Variants in DLG2 observed in about 807,000 individuals in gnomAD.
DLG2 encodes discs large MAGUK scaffold protein 2.
In DLG2, 45 loss-of-function variants were observed where a neutral mutation model predicts 132.5. The ratio of observed to expected loss-of-function variants is 0.34; its 90% CI spans 0.27 to 0.44. DLG2 has a LOEUF of 0.44. Among genes scored for constraint, DLG2 ranks in the 20% least tolerant of loss-of-function variants. DLG2 has a pLI of 1.00. For missense variants in DLG2, 1,045 were observed against 1,196.9 expected, an observed-to-expected ratio of 0.87 and a Z score of 1.87; for synonymous variants, 424 against 419.6, an observed-to-expected ratio of 1.01 and a Z score of -0.13.
At chr11:84,329,271 G>T (rs1263064740) in intron 7 of DLG2, among the ~76,000 whole-genome samples, 1 of 152,098 alleles carries the variant, frequency 6.6e-6, no homozygotes, top group Non-Finnish European at 1.5e-5. Flanking sequence ...TGGAAAATGT[G>T]GGACTTTGGT....
chr11:84,164,355 C>T (rs1045436506), intron 8 of DLG2, among the ~76,000 whole-genome samples: 6 of 152,128 alleles, frequency 3.9e-5, no homozygotes, highest in African/African-American at 9.7e-5. Context: ...ATTCTCAAAT[C>T]GGTTGTTTCT....
intron 15 of DLG2, among the ~76,000 whole-genome samples, chr11:83,884,448 G>A (rs576185903): frequency 6.6e-6 from 1 of 152,186 alleles, no homozygotes; most frequent in Non-Finnish European, 1.5e-5. Flanking sequence ...TGGGAAACTG[G>A]AACTGGGTAG....
chr11:83,897,784 A>G (rs181494577), intron 15 of DLG2, among the ~76,000 whole-genome samples: 47 of 152,300 alleles, frequency 3.1e-4, no homozygotes, highest in African/African-American at 1.1e-3. Flanking sequence ...TCATGGTGGG[A>G]ACTGATAGAA....
chr11:85,547,957 T>A lies in DLG2; in HGVS notation c.40+50700A>T, dbSNP rs1403414747. ...TGCTCCTTTAACTCAGAGGAGTTTT[T>A]ATTACCCACCTTCTGAAGCCTACTT... On this transcript the variant is annotated intron_variant, in intron 3 of 27. Transcript: ENST00000376104. Among the ~76,000 whole-genome samples, 4 of 152,108 alleles carry A rather than the reference T, an allele frequency of 2.6e-5. No homozygotes were observed. The East Asian group carries it at 7.7e-4, about 29-fold the overall frequency.
intron 7 of DLG2, among the ~76,000 whole-genome samples, chr11:84,370,772 T>C (rs1359299451): frequency 1.3e-5 from 2 of 152,150 alleles, no homozygotes; most frequent in Non-Finnish European, 2.9e-5. Context: ...CAAGAAATTA[T>C]TGGTGAACTG....
At chr11:83,806,792 G>A (rs1222124379) in intron 17 of DLG2, among the ~76,000 whole-genome samples, 2 of 152,104 alleles carry the variant, frequency 1.3e-5, no homozygotes, top group Non-Finnish European at 2.9e-5. Flanking sequence ...CTCTAAAGAG[G>A]AATTATTAAT....
intron 7 of DLG2, among the ~76,000 whole-genome samples, chr11:84,353,822 A>C (rs2098595953): frequency 6.6e-6 from 1 of 152,060 alleles, no homozygotes; most frequent in Admixed American, 6.6e-5. Context: ...ATTTTCCCAC[A>C]ACTTCATCAT....
chr11:84,718,242 A>T (rs572538356), intron 6 of DLG2, among the ~76,000 whole-genome samples: 1 of 152,114 alleles, frequency 6.6e-6, no homozygotes, highest in Non-Finnish European at 1.5e-5. Context: ...AGTCTCTAAA[A>T]GCATTATTTT....
At chr11:84,056,687 G>T (rs922513335) in intron 11 of DLG2, among the ~76,000 whole-genome samples, 1 of 152,154 alleles carries the variant, frequency 6.6e-6, no homozygotes, top group African/African-American at 2.4e-5. Context: ...CAGAGTTAGT[G>T]TAAAATCCAG....
At chr11:84,184,024 C>T (rs9704099) in intron 8 of DLG2, among the ~76,000 whole-genome samples, 128,937 of 151,486 alleles carry the variant, frequency 0.85, 55,075 homozygotes, top group Middle Eastern at 0.94. Flanking sequence ...TGAATAATGC[C>T]GCAATAAACA....
At chr11:84,554,129 A>G (rs2099407254) in intron 6 of DLG2, among the ~76,000 whole-genome samples, 1 of 152,174 alleles carries the variant, frequency 6.6e-6, no homozygotes, top group Admixed American at 6.5e-5. Context: ...CATTCAGTTC[A>G]TGGCTTCATT....
intron 6 of DLG2, among the ~76,000 whole-genome samples, chr11:84,619,114 T>C (rs1045344862): frequency 6.6e-6 from 1 of 151,824 alleles, no homozygotes; most frequent in African/African-American, 2.4e-5. Context: ...ACAAAAAACA[T>C]TGACAAAATA....
chr11:83,662,655 C>G (rs1216330989), intron 18 of DLG2, among the ~76,000 whole-genome samples: 1 of 152,180 alleles, frequency 6.6e-6, no homozygotes, highest in African/African-American at 2.4e-5. Context: ...ATAGGAGGTG[C>G]CTGTTCTGGC....
rs148911294 is a variant in DLG2, at chr11:85,168,909, A to G, written c.187-14258T>C. Among the ~76,000 whole-genome samples, 364 of 152,302 alleles carry G rather than the reference A, an allele frequency of 2.4e-3. 9 individuals are homozygous for G. In the East Asian group the frequency reaches 0.059, roughly 25 times the overall value. The stretch of plus-strand genomic sequence containing the variant: ...TAATAAAAAAGGTTTCTATAAACTA[A>G]CAGAATTTTTTTCAGGATACACTGT... On this transcript the variant is annotated intron_variant, in intron 4 of 27. Transcript: ENST00000376104.
At chr11:84,651,178 T>A (rs145503445) in intron 6 of DLG2, among the ~76,000 whole-genome samples, 3 of 152,170 alleles carry the variant, frequency 2.0e-5, no homozygotes, top group African/African-American at 4.8e-5. Flanking sequence ...TTTCTCCATC[T>A]TCTTTAGAGC....
chr11:85,285,340 T>G lies in DLG2; in HGVS notation c.66A>C (p.Thr22=). 1.2e-6 allele frequency: 2 copies of G among 1,611,140 alleles called. No individual in the cohort carries two copies. Among genetic ancestry groups the G allele is most frequent in the Non-Finnish European group, 1.7e-6 (2 of 1,178,374 alleles). ...CACAACTTTTTTGAGAATTTAGCAATGTCACCTCATAAAATTCTTGGATAT... is the reference window on the plus strand; with the variant it reads ...CACAACTTTTTTGAGAATTTAGCAAGGTCACCTCATAAAATTCTTGGATAT... ...LLDIQEFYEV[T]LLNSQKSCEQ... The change falls in exon 4 of 28, where the codon ACA becomes ACC. Residue 22 remains threonine, a synonymous_variant. Coordinates refer to ENST00000376104, the MANE Select transcript of DLG2 (RefSeq NM_001142699.3).
intron 15 of DLG2, among the ~76,000 whole-genome samples, chr11:83,910,993 G>C (rs1463808455): frequency 1.3e-5 from 2 of 152,106 alleles, no homozygotes; most frequent in Non-Finnish European, 1.5e-5. Flanking sequence ...ATTACACAAA[G>C]TAATCTTTAA....
At chr11:84,263,355 T>A (rs2097571781) in intron 7 of DLG2, among the ~76,000 whole-genome samples, 1 of 152,130 alleles carries the variant, frequency 6.6e-6, no homozygotes. Flanking sequence ...AAAGTTAAAT[T>A]TGATAAGGAA....
At chr11:84,215,065 T>C (rs773937789) in intron 8 of DLG2, among the ~76,000 whole-genome samples, 1 of 152,150 alleles carries the variant, frequency 6.6e-6, no homozygotes, top group African/African-American at 2.4e-5. Context: ...TTCAAAAGAA[T>C]AAAGTAACTT....
Sources: allele counts gnomAD v4.1 joint callset (sites outside exome capture counted in the v4.1 genomes callset), GRCh38; gene constraint gnomAD v4.1.1; transcripts MANE v1.5; gene names NCBI Gene and HGNC (gene_info 2026-07-23, HGNC 2026-07-21).